The following RFTN2 variants were observed in gnomAD, a reference collection of about 807,000 sequenced individuals.
RFTN2 encodes raftlin-2.
A neutral mutation model predicts 52.7 loss-of-function variants in RFTN2; 34 were observed. That is an observed-to-expected ratio of 0.64 (90% CI 0.49 to 0.86). The LOEUF is 0.86. Among genes scored for constraint, RFTN2 ranks in the 40% least tolerant of loss-of-function variants. RFTN2 has a pLI of 0.00. For synonymous variants in RFTN2, 203 were observed against 217.7 expected (o/e 0.93, Z 0.59); for missense variants, 536 against 600.1 (o/e 0.89, Z 1.12).
At chr2:197,584,104 C>T (rs1255954813) in intron 8 of RFTN2, among the ~76,000 whole-genome samples, 1 of 151,950 alleles carries the variant, frequency 6.6e-6, no homozygotes, top group East Asian at 1.9e-4. Context: ...CATGTGTCTT[C>T]ATGGCAGCAT....
intron 8 of RFTN2, among the ~76,000 whole-genome samples, chr2:197,589,326 C>T (rs1354851696): frequency 6.6e-6 from 1 of 150,566 alleles, no homozygotes; most frequent in Non-Finnish European, 1.5e-5. Context: ...CTCCTCCTTG[C>T]CTTCTGCCAT....
chr2:197,657,102 G>T (rs1312076216), intron 1 of RFTN2, among the ~76,000 whole-genome samples: 3 of 152,120 alleles, frequency 2.0e-5, no homozygotes, highest in Non-Finnish European at 4.4e-5. Flanking sequence ...GGCCTAAAGT[G>T]ATCTTCCTGC....
rs1374838002 is a variant in RFTN2, at chr2:197,570,256, A to G, written c.*1752T>C. ...AACCATTTCTGCAAATATTGTTGAC[A>G]GCTATTGCTATAGAATAAGACTGAG... is the stretch of plus-strand genomic sequence containing the variant. On this transcript the variant is annotated 3_prime_UTR_variant, in exon 9 of 9. Coordinates refer to ENST00000295049, the MANE Select transcript of RFTN2 (RefSeq NM_144629.3). 1 of 152,254 alleles carries G rather than the reference A, an allele frequency of 6.6e-6. No individual in the cohort carries two copies. Among genetic ancestry groups the G allele is most frequent in the African/African-American group, 2.4e-5 (1 of 41,470 alleles). 9.4% of individuals were successfully genotyped at this position (152,254 alleles called of 1,614,324 possible).
At chr2:197,592,437 C>T (rs1011231848) in intron 8 of RFTN2, among the ~76,000 whole-genome samples, 6 of 152,168 alleles carry the variant, frequency 3.9e-5, no homozygotes, top group Admixed American at 2.6e-4. Context: ...TCAGATGATC[C>T]GCCCGCCTTG....
chr2:197,573,012 C>T (rs558856827), intron 8 of RFTN2, among the ~76,000 whole-genome samples: 3 of 152,092 alleles, frequency 2.0e-5, no homozygotes, highest in African/African-American at 7.2e-5. Context: ...GTCAATTAAA[C>T]CTCTTTCCTT....
intron 8 of RFTN2, among the ~76,000 whole-genome samples, chr2:197,587,493 C>A (rs1054497052): frequency 1.3e-5 from 2 of 152,060 alleles, no homozygotes; most frequent in African/African-American, 4.8e-5. Context: ...CTTCTCCTGG[C>A]TCAGAAGTTC....
At chr2:197,641,930 C>T (rs1447368161) in intron 3 of RFTN2, among the ~76,000 whole-genome samples, 1 of 152,102 alleles carries the variant, frequency 6.6e-6, no homozygotes, top group Non-Finnish European at 1.5e-5. Context: ...TTAACTGTGT[C>T]CAGGAAGTCA....
chr2:197,582,972 A>G (rs369022227), intron 8 of RFTN2, among the ~76,000 whole-genome samples: 2 of 152,176 alleles, frequency 1.3e-5, no homozygotes, highest in South Asian at 4.1e-4. Context: ...TCTTTCAGCT[A>G]TCAATCTCTT....
chr2:197,665,517 C>CTTGTTTTTTTTTTTTTTTTTTT (rs2089039505), intron 1 of RFTN2, among the ~76,000 whole-genome samples: 1 of 41,496 alleles, frequency 2.4e-5, no homozygotes, highest in African/African-American at 1.4e-4. Flanking sequence ...TGTACCTTGC[C>CTTGTTTTTTTTTTTTTTTTTTT]TTTTTTTTTT....
intron 1 of RFTN2, among the ~76,000 whole-genome samples, chr2:197,672,699 G>C (rs1256254874): frequency 1.3e-5 from 2 of 152,182 alleles, no homozygotes; most frequent in African/African-American, 2.4e-5. Flanking sequence ...AACTGAGATA[G>C]AGCAACATTT....
intron 1 of RFTN2, among the ~76,000 whole-genome samples, chr2:197,647,251 C>A (rs1307509532): frequency 6.6e-6 from 1 of 151,856 alleles, no homozygotes; most frequent in African/African-American, 2.4e-5. Flanking sequence ...GAGAGAGGGT[C>A]TCACTCTGTC....
intron 7 of RFTN2, among the ~76,000 whole-genome samples, chr2:197,599,327 A>G (rs912603636): frequency 1.3e-5 from 2 of 152,204 alleles, no homozygotes; most frequent in Non-Finnish European, 1.5e-5. Context: ...CTGAGGACAC[A>G]TATTTTTCAC....
intron 8 of RFTN2, among the ~76,000 whole-genome samples, chr2:197,588,496 G>A (rs1274396094): frequency 6.6e-6 from 1 of 152,210 alleles, no homozygotes; most frequent in African/African-American, 2.4e-5. Context: ...GATTACAGAG[G>A]TGAGACACCA....
chr2:197,589,864 A>T (rs1467458173), intron 8 of RFTN2, among the ~76,000 whole-genome samples: 1 of 152,062 alleles, frequency 6.6e-6, no homozygotes, highest in East Asian at 1.9e-4. Context: ...TTGATGAATT[A>T]TATTTTTTCA....
chr2:197,629,140 G>T, intron 5 of RFTN2, among the ~76,000 whole-genome samples: 1 of 152,270 alleles, frequency 6.6e-6, no homozygotes, highest in South Asian at 2.1e-4. Context: ...AAAGACACAC[G>T]TACACGTATG....
Position 197,633,962 on chromosome 2 carries a change from A to C in RFTN2, c.474T>G (p.Val158=), listed in dbSNP as rs758003351. Residue 158 remains valine (V), a synonymous_variant, in exon 4 of 9, where the codon GTT becomes GTG. Transcript: ENST00000295049. ...NVAAKRGMKF[V]GFISQHYSPS... ...GAGAATAATGCTGTGATATGAATCCAACAAATTTCATTCCTCTTTTAGCAG... is the reference window on the plus strand; with the variant it reads ...GAGAATAATGCTGTGATATGAATCCCACAAATTTCATTCCTCTTTTAGCAG... 1.2e-6 allele frequency: 2 copies of C among 1,612,772 alleles called. No individual in the cohort carries two copies. The highest frequency in any genetic ancestry group is 1.7e-6 in the Non-Finnish European group (2 of 1,179,346).
At position 197,571,050 on chromosome 2, in the gene RFTN2, AAT is replaced by A. The variant is rs1401508013; in HGVS notation, c.*956_*957del. The A allele has an allele frequency of 6.6e-6, 1 of 152,334 alleles. No individual in the cohort carries two copies. The highest frequency in any genetic ancestry group is 2.4e-5 in the African/African-American group (1 of 41,460). The allele number at this position is 152,334 out of a possible 1,614,324, so 9.4% of individuals were successfully genotyped here. A position where few individuals can be genotyped will look rare whatever the true frequency, so the allele number is the denominator to read the frequency against. On this transcript the variant is annotated 3_prime_UTR_variant, in exon 9 of 9. Coordinates refer to ENST00000295049, the MANE Select transcript of RFTN2 (RefSeq NM_144629.3). The stretch of plus-strand genomic sequence containing the variant: ...GGGAAAGAAAAGCAAGATGAAACAA[AAT>A]ATGTTATCATACATATCGCGTGTGC...
intron 1 of RFTN2, among the ~76,000 whole-genome samples, chr2:197,653,965 A>G (rs2088858064): frequency 6.6e-6 from 1 of 152,246 alleles, no homozygotes. Context: ...TATATCACTC[A>G]TATAACATAA....
intron 7 of RFTN2, among the ~76,000 whole-genome samples, chr2:197,600,020 G>A (rs938617655): frequency 6.6e-6 from 1 of 151,966 alleles, no homozygotes; most frequent in East Asian, 1.9e-4. Flanking sequence ...CACCACATCT[G>A]GCTTTTTTTT....
Sources: allele counts gnomAD v4.1 joint callset (sites outside exome capture counted in the v4.1 genomes callset), GRCh38; gene constraint gnomAD v4.1.1; transcripts MANE v1.5; gene names NCBI Gene and HGNC (gene_info 2026-07-23, HGNC 2026-07-21).